The following CCDC149 variants were observed in gnomAD, a reference collection of about 807,000 sequenced individuals.
CCDC149 encodes the protein coiled-coil domain containing 149.
In CCDC149, 45 loss-of-function variants were observed where a neutral mutation model predicts 59.9. That is an observed-to-expected ratio of 0.75 (90% CI 0.59 to 0.96). The LOEUF is 0.96. CCDC149 is among the 40% of genes least tolerant of loss of function. The probability of loss-of-function intolerance (pLI) is 0.00; values close to 1 mark genes in which losing one functional copy is unlikely to be tolerated. For synonymous variants in CCDC149, 245 were observed against 260.6 expected, an observed-to-expected ratio of 0.94 and a Z score of 0.58; for missense variants, 584 against 664.7, an observed-to-expected ratio of 0.88 and a Z score of 1.33.
intron 1 of CCDC149, among the ~76,000 whole-genome samples, chr4:24,900,025 G>A (rs1254561229): frequency 6.6e-6 from 1 of 152,068 alleles, no homozygotes; most frequent in East Asian, 1.9e-4. Flanking sequence ...CAACCTTCCT[G>A]GCCCAGGTGC....
At chr4:24,835,940 G>T (rs1273523544) in intron 7 of CCDC149, among the ~76,000 whole-genome samples, 1 of 152,194 alleles carries the variant, frequency 6.6e-6, no homozygotes. Context: ...CTAACTAACA[G>T]TGGGGAGAAT....
Position 24,869,132 on chromosome 4 carries a change from T to C in CCDC149, c.264+4549A>G, listed in dbSNP as rs78873043. On this transcript the variant is annotated intron_variant, in intron 3 of 12. Transcript: ENST00000635206. ...TAAGGCAGATGGCTATGACACTGTC[T>C]ACCCCGCACCCCTCTACATGGTGGT... 2.6e-3 allele frequency among the ~76,000 whole-genome samples: 390 copies of C among 152,322 alleles called. 2 individuals are homozygous for C. Among genetic ancestry groups the C allele is most frequent in the African/African-American group, 8.9e-3 (369 of 41,562 alleles).
At chr4:24,971,922 T>C (rs1240601493) in intron 1 of CCDC149, among the ~76,000 whole-genome samples, 1 of 152,244 alleles carries the variant, frequency 6.6e-6, no homozygotes, top group Non-Finnish European at 1.5e-5. Flanking sequence ...CATTTCTTTC[T>C]ATTGAAAATA....
intron 4 of CCDC149, 129 bp downstream of exon 4, chr4:24,852,943 A>C (rs1347072748): frequency 1.5e-6 from 1 of 659,080 alleles, no homozygotes; most frequent in Non-Finnish European, 2.6e-6. Flanking sequence ...GCGAATTTTC[A>C]TTATAAATTT....
At chr4:24,927,900 A>G (rs1373979622) in intron 1 of CCDC149, among the ~76,000 whole-genome samples, 1 of 152,124 alleles carries the variant, frequency 6.6e-6, no homozygotes, top group Non-Finnish European at 1.5e-5. Context: ...GTGCACATCC[A>G]TGAAATCTAA....
At chr4:24,948,625 C>G (rs945125537) in intron 1 of CCDC149, among the ~76,000 whole-genome samples, 1 of 152,146 alleles carries the variant, frequency 6.6e-6, no homozygotes, top group East Asian at 1.9e-4. Flanking sequence ...CCCTCCCTCC[C>G]AGGCCACTGG....
intron 3 of CCDC149, among the ~76,000 whole-genome samples, chr4:24,870,819 A>G (rs1718993974): frequency 6.6e-6 from 1 of 152,138 alleles, no homozygotes; most frequent in Non-Finnish European, 1.5e-5. Context: ...AAGAACTCCA[A>G]TTTTTAAACA....
intron 3 of CCDC149, among the ~76,000 whole-genome samples, chr4:24,864,656 C>G (rs1210903665): frequency 6.6e-6 from 1 of 152,230 alleles, no homozygotes; most frequent in East Asian, 1.9e-4. Context: ...TTCTCTATTG[C>G]AATTTCCTTG....
At chr4:24,878,369 C>T (rs1719611714) in intron 1 of CCDC149, among the ~76,000 whole-genome samples, 1 of 152,152 alleles carries the variant, frequency 6.6e-6, no homozygotes, top group African/African-American at 2.4e-5. Flanking sequence ...GGAATCCTGC[C>T]TTAAAATGTC....
At chr4:24,825,916 A>G (rs1041418806) in intron 9 of CCDC149, among the ~76,000 whole-genome samples, 7 of 152,126 alleles carry the variant, frequency 4.6e-5, no homozygotes, top group African/African-American at 1.7e-4. Flanking sequence ...ACTTTTCTGT[A>G]TTGGCAATGG....
At chr4:24,824,803 C>A (rs1192308845) in intron 9 of CCDC149, among the ~76,000 whole-genome samples, 1 of 152,214 alleles carries the variant, frequency 6.6e-6, no homozygotes, top group Non-Finnish European at 1.5e-5. Flanking sequence ...TTAACCAATA[C>A]CCCATAATGG....
chr4:24,820,568 T>C (rs1397027846), intron 11 of CCDC149, among the ~76,000 whole-genome samples: 1 of 152,186 alleles, frequency 6.6e-6, no homozygotes, highest in Non-Finnish European at 1.5e-5. Flanking sequence ...TTGTGTCTTA[T>C]TTCACCATTC....
intron 5 of CCDC149, 128 bp downstream of exon 5, chr4:24,838,028 G>GTT (rs1716654965): frequency 5.1e-6 from 4 of 786,012 alleles, no homozygotes; most frequent in African/African-American, 1.7e-5. Context: ...TGCTGAGGAA[G>GTT]TAAAAGCATT....
chr4:24,890,719 C>T (rs1190112182), intron 1 of CCDC149, among the ~76,000 whole-genome samples: 1 of 152,204 alleles, frequency 6.6e-6, no homozygotes, highest in Non-Finnish European at 1.5e-5. Context: ...TGAGAACAGT[C>T]CCTGGCTCCC....
chr4:24,847,287 A>G (rs1717350723), intron 4 of CCDC149, among the ~76,000 whole-genome samples: 1 of 152,134 alleles, frequency 6.6e-6, no homozygotes, highest in Admixed American at 6.5e-5. Context: ...AGCAACACTT[A>G]CCCTCTGTTA....
chr4:24,930,666 A>G (rs1002266649), intron 1 of CCDC149, among the ~76,000 whole-genome samples: 7 of 152,052 alleles, frequency 4.6e-5, no homozygotes, highest in African/African-American at 1.4e-4. Context: ...TGCCCCCTCA[A>G]TGAGGGGAAG....
intron 4 of CCDC149, among the ~76,000 whole-genome samples, chr4:24,849,449 G>A (rs767600517): frequency 6.6e-6 from 1 of 152,140 alleles, no homozygotes; most frequent in Non-Finnish European, 1.5e-5. Context: ...AAATTCCTGC[G>A]CACTGGACAG....
At chr4:24,862,079 A>T (rs990984648) in intron 3 of CCDC149, among the ~76,000 whole-genome samples, 12 of 152,236 alleles carry the variant, frequency 7.9e-5, no homozygotes, top group Admixed American at 2.6e-4. Context: ...ATGAATCTTG[A>T]TAGATAATAA....
chr4:24,944,201 C>CATGG (rs1723036729), intron 1 of CCDC149, among the ~76,000 whole-genome samples: 1 of 152,162 alleles, frequency 6.6e-6, no homozygotes, highest in Non-Finnish European at 1.5e-5. Flanking sequence ...ACATAAACAC[C>CATGG]ATGGAATACT....
Sources: allele counts gnomAD v4.1 joint callset (sites outside exome capture counted in the v4.1 genomes callset), GRCh38; gene constraint gnomAD v4.1.1; transcripts MANE v1.5; gene names NCBI Gene and HGNC (gene_info 2026-07-23, HGNC 2026-07-21).